Variants in MCC observed in about 807,000 individuals in gnomAD.
MCC encodes MCC regulator of Wnt signaling pathway, also known as colorectal mutant cancer protein.
In MCC, 90 loss-of-function variants were observed where a neutral mutation model predicts 116.2. The observed-to-expected ratio is 0.77, with a 90% CI of 0.65 to 0.92. MCC has a LOEUF of 0.92. Among genes scored for constraint, MCC ranks in the 40% least tolerant of loss-of-function variants. The probability of loss-of-function intolerance (pLI) is 0.00; values close to 1 mark genes in which losing one functional copy is unlikely to be tolerated. For missense variants in MCC, 1,516 were observed against 1,312.2 expected, an observed-to-expected ratio of 1.16 and a Z score of -2.40; for synonymous variants, 578 against 510.5, an observed-to-expected ratio of 1.13 and a Z score of -1.78.
intron 3 of MCC, among the ~76,000 whole-genome samples, chr5:113,339,939 G>A (rs998696533): frequency 7.9e-5 from 12 of 152,216 alleles, no homozygotes; most frequent in Non-Finnish European, 5.9e-5. Context: ...CCAGGCCATC[G>A]GCCACCCGCC....
In MCC at chr5:113,026,212, A is replaced by G. The variant is rs1750537817; in HGVS notation, c.*1090T>C. ...ATCTGGGGGCAAAAAAGAAGCCTTA[A>G]CTACCATTCCCTCACTCTGTCCCCG... is the stretch of plus-strand genomic sequence containing the variant. On this transcript the variant is annotated 3_prime_UTR_variant, in exon 19 of 19. Transcript: ENST00000408903. 1 of 152,224 alleles carries G rather than the reference A, an allele frequency of 6.6e-6. No individual in the cohort carries two copies. Among genetic ancestry groups the G allele is most frequent in the African/African-American group, 2.4e-5 (1 of 41,446 alleles). 9.4% of individuals were successfully genotyped at this position (152,224 alleles called of 1,614,324 possible).
rs925142825 is a variant in MCC at position 113,216,203 on chromosome 5, A to G, written c.628-64781T>C. The stretch of plus-strand genomic sequence containing the variant: ...CCATATACCCTGCAAAAACTGTAAT[A>G]TTTTCTGCCTGGTCCATTACAGAAA... On this transcript the variant is annotated intron_variant, in intron 3 of 18. Coordinates refer to ENST00000408903, the MANE Select transcript of MCC (RefSeq NM_001085377.2). 2.6e-5 allele frequency among the ~76,000 whole-genome samples: 4 copies of G among 152,118 alleles called. No individual in the cohort carries two copies. The East Asian group carries it at 7.7e-4, about 29-fold the overall frequency.
chr5:113,127,679 C>T (rs778808824), intron 5 of MCC, among the ~76,000 whole-genome samples: 27 of 152,176 alleles, frequency 1.8e-4, no homozygotes, highest in Non-Finnish European at 2.5e-4. Context: ...GTCCTTTGCC[C>T]GCCTTTTAAT....
chr5:113,453,658 G>A (rs947949498), intron 1 of MCC, among the ~76,000 whole-genome samples: 4 of 152,208 alleles, frequency 2.6e-5, no homozygotes, highest in African/African-American at 4.8e-5. Context: ...TCCCCATTAA[G>A]CTGAATGGGA....
intron 8 of MCC, among the ~76,000 whole-genome samples, chr5:113,089,711 T>A (rs1755464212): frequency 6.6e-6 from 1 of 152,260 alleles, no homozygotes; most frequent in African/African-American, 2.4e-5. Context: ...TATTGTATTT[T>A]ACTTTATTTA....
intron 8 of MCC, among the ~76,000 whole-genome samples, chr5:113,092,818 A>G (rs1454635168): frequency 6.6e-6 from 1 of 152,182 alleles, no homozygotes; most frequent in Admixed American, 6.5e-5. Flanking sequence ...GCAAGACTAT[A>G]CACACTCTGA....
chr5:113,434,294 C>G lies in MCC; in HGVS notation c.171-49082G>C. On this transcript the variant is annotated intron_variant, in intron 1 of 18. Transcript: ENST00000408903. This position sits in a 1 kb window ranked among gnomAD's most constrained non-coding sequence, Gnocchi z 4.2. ...GAATGCCCTGCAGCACCTCTGGGGCCGCATACGCTGGTGACCCACAGAAGG... is the reference window on the plus strand; with the variant it reads ...GAATGCCCTGCAGCACCTCTGGGGCGGCATACGCTGGTGACCCACAGAAGG... The G allele has an allele frequency of 6.2e-7, 1 of 1,614,090 alleles. No homozygotes were observed. The highest frequency in any genetic ancestry group is 8.5e-7 in the Non-Finnish European group (1 of 1,179,984).
At chr5:113,261,329 G>A (rs555203687) in intron 3 of MCC, among the ~76,000 whole-genome samples, 2 of 152,072 alleles carry the variant, frequency 1.3e-5, no homozygotes, top group African/African-American at 2.4e-5. Flanking sequence ...CTCAAAATAC[G>A]ATTTCTACTG....
chr5:113,295,172 TA>T lies in MCC; in HGVS notation c.627+45346del, dbSNP rs112353235. 7.2e-3 allele frequency among the ~76,000 whole-genome samples: 952 copies of T among 131,674 alleles called. 2 individuals are homozygous for T. Among genetic ancestry groups the T allele is most frequent in the African/African-American group, 8.3e-3 (301 of 36,196 alleles). The allele number at this position is 131,674 out of a possible 152,430, so 86.4% of individuals were successfully genotyped here. On this transcript the variant is annotated intron_variant, in intron 3 of 18. Coordinates refer to ENST00000408903, the MANE Select transcript of MCC (RefSeq NM_001085377.2). ...CCACCTGAATAATCGTGCAGGAAAT[TA>T]AAAAAAAAAAAAGAAAAGAAAAAGA...
chr5:113,439,983 A>T (rs1450550706), intron 1 of MCC, among the ~76,000 whole-genome samples: 4 of 152,034 alleles, frequency 2.6e-5, no homozygotes, highest in African/African-American at 9.7e-5. Flanking sequence ...CTGTAGCCTC[A>T]ACCTCCTGGC....
intron 17 of MCC, among the ~76,000 whole-genome samples, chr5:113,033,779 C>G (rs966904129): frequency 2.1e-4 from 32 of 152,202 alleles, no homozygotes; most frequent in African/African-American, 7.7e-4. Flanking sequence ...ACTGTGACAA[C>G]TGAAGTCCCC....
chr5:113,242,155 G>A (rs948221426), intron 3 of MCC, among the ~76,000 whole-genome samples: 1 of 152,148 alleles, frequency 6.6e-6, no homozygotes, highest in African/African-American at 2.4e-5. Context: ...AGATTCATTA[G>A]AAATATTCTG....
chr5:113,107,502 G>A (rs924592177), intron 6 of MCC, among the ~76,000 whole-genome samples: 1 of 152,024 alleles, frequency 6.6e-6, no homozygotes, highest in Non-Finnish European at 1.5e-5. Flanking sequence ...TAAGAACTAG[G>A]ATGCTCATCA....
chr5:113,378,962 A>G (rs1769046934), intron 2 of MCC, among the ~76,000 whole-genome samples: 1 of 152,206 alleles, frequency 6.6e-6, no homozygotes, highest in South Asian at 2.1e-4. Flanking sequence ...ATTATAATGA[A>G]CCTAGATTAT....
At chr5:113,189,312 T>C (rs1374538927) in intron 3 of MCC, among the ~76,000 whole-genome samples, 1 of 152,160 alleles carries the variant, frequency 6.6e-6, no homozygotes, top group African/African-American at 2.4e-5. Flanking sequence ...ACAGACCATC[T>C]CCATAGTTTC....
chr5:113,329,737 C>A (rs1767654530), intron 3 of MCC, among the ~76,000 whole-genome samples: 1 of 152,132 alleles, frequency 6.6e-6, no homozygotes, highest in African/African-American at 2.4e-5. Flanking sequence ...CTCTTGAAAT[C>A]CATTATACTA....
chr5:113,148,973 A>G (rs985469812), intron 4 of MCC, among the ~76,000 whole-genome samples: 70 of 152,082 alleles, frequency 4.6e-4, no homozygotes, highest in African/African-American at 1.7e-3. Context: ...TAGAGAAAAA[A>G]TTTTCCATTA....
chr5:113,247,586 G>A (rs1319038335), intron 3 of MCC, among the ~76,000 whole-genome samples: 1 of 152,168 alleles, frequency 6.6e-6, no homozygotes, highest in African/African-American at 2.4e-5. Context: ...GATCACTCTG[G>A]AAATACAGTA....
intron 6 of MCC, among the ~76,000 whole-genome samples, chr5:113,121,005 G>T (rs1421743200): frequency 6.6e-6 from 1 of 152,300 alleles, no homozygotes; most frequent in South Asian, 2.1e-4. Context: ...CTTCCTATGT[G>T]CCCTATTGGC....
Sources: gnomAD v4.1 joint callset for allele counts (sites outside exome capture counted in the v4.1 genomes callset) on GRCh38, gnomAD v4.1.1 for gene constraint, Gnocchi (gnomAD v3.1) non-coding constraint, MANE v1.5 for transcripts, NCBI Gene and HGNC (gene_info 2026-07-23, HGNC 2026-07-21) for gene names.